PLEC: variants seen among roughly 807,000 people sequenced by gnomAD.
PLEC encodes hemidesmosomal protein 1.
A neutral mutation model predicts 392.8 loss-of-function variants in PLEC; 216 were observed. That is an observed-to-expected ratio of 0.55 (90% CI 0.49 to 0.62). PLEC has a LOEUF of 0.62. Ranked by LOEUF, PLEC falls within the 20% of genes least tolerant of loss-of-function variation. The pLI is 0.00. For synonymous variants in PLEC, 3,621 were observed against 2,980.6 expected (o/e 1.21, Z -7.00); for missense variants, 6,863 against 6,563.4 (o/e 1.05, Z -1.58).
Position 143,925,871 on chromosome 8 carries a change from T to C in PLEC, c.4058A>G (p.Gln1353Arg). Residue 1353 changes from glutamine to arginine, a missense_variant, in exon 31 of 32, where the codon CAG becomes CGG. Transcript: ENST00000345136. ...CCGCTCGCGCTCCTCTGCCCGCTGC[T>C]GCTCAGCCAGCCTCTGTGGCCACAG... ...RMEEEERLAE[Q>R]QRAEERERLA... The C allele has an allele frequency of 6.5e-7, 1 of 1,546,338 alleles. No individual in the cohort carries two copies. Among genetic ancestry groups the C allele is most frequent in the Non-Finnish European group, 8.7e-7 (1 of 1,152,436 alleles).
In PLEC at chr8:143,919,657, C is replaced by T; in HGVS notation, c.10164G>A (p.Leu3388=). Residue 3388 remains leucine (L), a synonymous_variant, in exon 32 of 32, where the codon CTG becomes CTA. Coordinates refer to ENST00000345136, the MANE Select transcript of PLEC (RefSeq NM_201384.3). ...GLLRATTAAL[L]LEAQAATGFL... ...AGCCAGTGGCCGCCTGCGCCTCCAG[C>T]AGGAGCGCAGCCGTTGTGGCTCTCA... 6.3e-7 allele frequency: 1 copy of T among 1,592,096 alleles called. No homozygotes were observed. Among genetic ancestry groups the T allele is most frequent in the Non-Finnish European group, 8.5e-7 (1 of 1,171,536 alleles).
Position 143,916,224 on chromosome 8 carries a change from A to G in PLEC, c.13597T>C (p.Ser4533Pro), listed in dbSNP as rs1406509217. Residue 4533 changes from serine (S) to proline (P), a missense_variant, in exon 32 of 32, where the codon TCG (serine) becomes CCG (proline). Ser to Pro is a moderately conservative substitution (Grantham distance 74, BLOSUM62 -1). Transcript: ENST00000345136. ...CCCCCCAGGGAGGCCGAGGACCCCG[A>G]GGCGTAGCGGCGGCCGTAGCCCGAG... The part of the protein sequence containing the change: ...SSSGYGRRYA[S>P]GSSASLGGPE... 6.5e-7 allele frequency: 1 copy of G among 1,546,412 alleles called. No individual in the cohort carries two copies. Among genetic ancestry groups the G allele is most frequent in the Admixed American group, 2.0e-5 (1 of 50,934 alleles).
In PLEC at chr8:143,917,403, G is replaced by A. The variant is rs1554671979; in HGVS notation, c.12418C>T (p.Arg4140Ter). The part of the protein sequence containing the change: ...TSSKSSVRKR[R>*]VVIVDPETGK... Reference sequence around the variant, plus strand: ...GTCTCGGGGTCCACGATGACCACTCGGCGCTTGCGCACGGAGGACTTGGAG... The same window carrying A: ...GTCTCGGGGTCCACGATGACCACTCAGCGCTTGCGCACGGAGGACTTGGAG... Residue 4140 changes from arginine to a stop codon, truncating the protein, a stop_gained, in exon 32 of 32, where the codon CGA becomes TGA. Transcript: ENST00000345136. LOFTEE classifies it high-confidence loss of function. The A allele has an allele frequency of 2.5e-6, 4 of 1,612,390 alleles. No individual in the cohort carries two copies. Among genetic ancestry groups the A allele is most frequent in the Non-Finnish European group, 3.4e-6 (4 of 1,180,004 alleles).
At chr8:143,941,586 G>T (rs1451576271), upstream of PLEC, among the ~76,000 whole-genome samples, 5 of 152,082 alleles carry the variant, frequency 3.3e-5, no homozygotes, top group African/African-American at 1.2e-4. Context: ...TCCCAAGCCT[G>T]GCTCAAGCTC....
At position 143,969,067 on chromosome 8, in the gene PLEC, T is replaced by C. The variant is rs1554743295; in HGVS notation, c.70+4336A>G. 6.6e-6 allele frequency among the ~76,000 whole-genome samples: 1 copy of C among 152,158 alleles called. No homozygotes were observed. Among genetic ancestry groups the C allele is most frequent in the Non-Finnish European group, 1.5e-5 (1 of 68,042 alleles). ...ACAAAAACGTGTATGCAAACGTCCA[T>C]AGCAGCCTCACTCATAACAGCCAAA... is the stretch of plus-strand genomic sequence containing the variant. On this transcript the variant is annotated intron_variant, in intron 1 of 31. Transcript: ENST00000356346. The surrounding 1 kb of genome is among the most constrained non-coding windows in gnomAD (Gnocchi z 5.1).
rs782014385 is a variant in PLEC at position 143,916,603 on chromosome 8, C to T, written c.13218G>A (p.Val4406=). 2.5e-5 allele frequency: 40 copies of T among 1,610,082 alleles called. No individual in the cohort carries two copies. The highest frequency in any genetic ancestry group is 3.2e-5 in the Non-Finnish European group (38 of 1,178,886). The part of the protein sequence containing the change: ...GLIEPDTPGR[V]PLDEALQRGT... ...CGCGCTGCAGGGCCTCGTCCAGGGG[C>T]ACGCGGCCCGGCGTGTCGGGCTCGA... The change falls in exon 32 of 32, where the codon GTG becomes GTA. Residue 4406 remains valine, a synonymous_variant. Transcript: ENST00000345136.
upstream of PLEC, chr8:143,942,545 C>A (rs1383489582): frequency 1.3e-6 from 2 of 1,543,880 alleles, no homozygotes; most frequent in Non-Finnish European, 1.7e-6. Flanking sequence ...CTGGTTCGGC[C>A]CACGGACAGT....
intron 3 of PLEC, among the ~76,000 whole-genome samples, 160 bp downstream of exon 3, chr8:143,937,991 G>A (rs1554724876): frequency 6.6e-6 from 1 of 152,168 alleles, no homozygotes; most frequent in Admixed American, 6.5e-5. Flanking sequence ...GGCGGGAGGT[G>A]CTGCCAGGGA....
upstream of PLEC, among the ~76,000 whole-genome samples, chr8:143,941,481 G>A (rs1018804503): frequency 3.9e-5 from 6 of 152,216 alleles, no homozygotes; most frequent in South Asian, 2.1e-4. Flanking sequence ...CTCCAGACAC[G>A]GACTCGGGCA....
chr8:143,921,023 A>G lies in PLEC; in HGVS notation c.8798T>C (p.Phe2933Ser). 1 of 1,613,044 alleles carries G rather than the reference A, an allele frequency of 6.2e-7. No homozygotes were observed. The highest frequency in any genetic ancestry group is 8.5e-7 in the Non-Finnish European group (1 of 1,180,016). ...TIWEIINSEY[F>S]TAEQRRDLLR... ...CAGGTCCCGCCGCTGCTCTGCCGTG[A>G]AGTATTCCGAGTTGATGATCTCCCA... Residue 2933 changes from phenylalanine to serine, a missense_variant, in exon 32 of 32, where the codon TTC (phenylalanine) becomes TCC (serine). Transcript: ENST00000345136.
In PLEC at chr8:143,923,818, C is replaced by T. The variant is rs1554694346; in HGVS notation, c.6111G>A (p.Gln2037=). ...GCTTCTGGGCGGCCTCCTGGGCCAG[C>T]TGCAGCTGCCGCGCCGACTCCTGCT... The part of the protein sequence containing the change: ...RAEQESARQL[Q]LAQEAAQKRL... The change falls in exon 31 of 32, where the codon CAG becomes CAA. Residue 2037 remains glutamine, a synonymous_variant. Coordinates refer to ENST00000345136, the MANE Select transcript of PLEC (RefSeq NM_201384.3). 1.3e-5 allele frequency: 21 copies of T among 1,583,398 alleles called. 2 individuals are homozygous for T. The South Asian group carries it at 2.2e-4, about 17-fold the overall frequency.
At position 143,946,504 on chromosome 8, in the gene PLEC, G is replaced by A. The variant is rs536142669; in HGVS notation, c.523+3680C>T. The A allele has an allele frequency of 1.2e-3, 928 of 768,856 alleles. 3 individuals carry two copies. Among genetic ancestry groups the A allele is most frequent in the Middle Eastern group, 5.3e-3 (13 of 2,436 alleles). 47.6% of individuals were successfully genotyped at this position (768,856 alleles called of 1,614,324 possible). On this transcript the variant is annotated intron_variant, in intron 1 of 31. Transcript: ENST00000322810. ...GGCCCACTCATGCCCTGGTAGCAGC[G>A]GCTCCTCCTCGCAGCCACCCCTTAG... is the stretch of plus-strand genomic sequence containing the variant.
At position 143,922,353 on chromosome 8, in the gene PLEC, C is replaced by G. The variant is rs1554689498; in HGVS notation, c.7468G>C (p.Ala2490Pro). The G allele has an allele frequency of 1.2e-6, 2 of 1,604,314 alleles. No homozygotes were observed. The highest frequency in any genetic ancestry group is 1.7e-6 in the Non-Finnish European group (2 of 1,179,936). ...TCAGAGAGGAAGCTTTGCTGCAGGG[C>G]CTGCGTCTCCTGCAGCAGCTGCTCC... is the stretch of plus-strand genomic sequence containing the variant. ...QQEQLLQETQ[A>P]LQQSFLSEKD... is the part of the protein sequence containing the mutation. The change falls in exon 32 of 32, where the codon GCC becomes CCC. Residue 2490 changes from alanine (A) to proline (P), a missense_variant. Physicochemically the swap from Ala to Pro is conservative, Grantham distance 27. Coordinates refer to ENST00000345136, the MANE Select transcript of PLEC (RefSeq NM_201384.3).
chr8:143,916,531 G>A lies in PLEC; in HGVS notation c.13290C>T (p.Ala4430=), dbSNP rs1274719348. The A allele has an allele frequency of 5.6e-6, 9 of 1,611,712 alleles. No homozygotes were observed. In the African/African-American group the frequency reaches 1.1e-4, roughly 19 times the overall value. ...TAGGGCAGGTGAGGTACTTGGAGTA[G>A]GCGCCCACGTCACGCAGCTTCTGTG... is the stretch of plus-strand genomic sequence containing the variant. The part of the protein sequence containing the change: ...RTAQKLRDVG[A]YSKYLTCPKT... Residue 4430 remains alanine (A), a synonymous_variant, in exon 32 of 32, where the codon GCC becomes GCT. Coordinates refer to ENST00000345136, the MANE Select transcript of PLEC (RefSeq NM_201384.3).
chr8:143,933,350 T>A lies in PLEC; in HGVS notation c.1265A>T (p.Asp422Val), dbSNP rs1554719389. The A allele has an allele frequency of 1.2e-6, 2 of 1,610,380 alleles. No homozygotes were observed. The highest frequency in any genetic ancestry group is 2.2e-5 in the South Asian group (2 of 91,082). Residue 422 changes from aspartate to valine, a missense_variant and splice_region_variant, in exon 13 of 32, where the codon GAT (aspartate) becomes GTT (valine). Physicochemically the swap from Asp to Val is radical, Grantham distance 152. Transcript: ENST00000345136. ...TTTGCCTGCAGCCAGCAGCCGGACA[T>A]CCTGCAAGGTCGTTGCCATGACTCG... ...LNQADALLQS[D>V]VRLLAAGKVP...
At chr8:143,934,271 T>G (rs202095735) in intron 11 of PLEC, 47 bp downstream of exon 11, 2 of 1,609,158 alleles carry the variant, frequency 1.2e-6, no homozygotes, top group Non-Finnish European at 1.7e-6. Context: ...TCCCAGGCAG[T>G]GACACACCCT....
chr8:143,964,761 T>C (rs143466920), intron 1 of PLEC, among the ~76,000 whole-genome samples: 39 of 152,272 alleles, frequency 2.6e-4, no homozygotes, highest in African/African-American at 8.7e-4. Flanking sequence ...TCCAGCTGTG[T>C]CTCTTAGGCC....
rs199965040 is a variant in PLEC at position 143,933,344 on chromosome 8, C to T, written c.1271G>A (p.Arg424Gln). ...TGGCACTTTGCCTGCAGCCAGCAGC[C>T]GGACATCCTGCAAGGTCGTTGCCAT... ...QADALLQSDV[R>Q]LLAAGKVPQR... Residue 424 changes from arginine to glutamine, a missense_variant, in exon 13 of 32, where the codon CGG becomes CAG. Coordinates refer to ENST00000345136, the MANE Select transcript of PLEC (RefSeq NM_201384.3). The T allele has an allele frequency of 4.5e-5, 72 of 1,611,166 alleles. No homozygotes were observed. Among genetic ancestry groups the T allele is most frequent in the Admixed American group, 1.8e-4 (11 of 60,026 alleles).
chr8:143,943,632 A>T, upstream of PLEC: 1 of 720,248 alleles, frequency 1.4e-6, no homozygotes, highest in Non-Finnish European at 2.4e-6. Context: ...CAGGGTCTAC[A>T]CTGCAGGGTG....
Sources: allele counts gnomAD v4.1 joint callset (sites outside exome capture counted in the v4.1 genomes callset), GRCh38; gene constraint gnomAD v4.1.1; non-coding constraint Gnocchi (gnomAD v3.1); transcripts MANE v1.5; gene names NCBI Gene and HGNC (gene_info 2026-07-23, HGNC 2026-07-21).